ATF7IP2: variants seen among roughly 807,000 people sequenced by gnomAD.
The protein encoded by ATF7IP2 is activating transcription factor 7-interacting protein 2.
Under a neutral mutation model 64.2 loss-of-function variants are expected in ATF7IP2, and 42 were observed. The ratio of observed to expected loss-of-function variants is 0.65; its 90% CI spans 0.51 to 0.85. The LOEUF is 0.85. ATF7IP2 is among the 40% of genes least tolerant of loss of function. ATF7IP2 has a pLI of 0.00. For missense variants in ATF7IP2, 933 were observed against 784.2 expected, an observed-to-expected ratio of 1.19 and a Z score of -2.27; for synonymous variants, 308 against 272.8, an observed-to-expected ratio of 1.13 and a Z score of -1.27.
intron 12 of ATF7IP2, among the ~76,000 whole-genome samples, chr16:10,475,860 G>GACTGGAGAA (rs2049991066): frequency 6.6e-6 from 1 of 151,782 alleles, no homozygotes; most frequent in Admixed American, 6.6e-5. Context: ...AGCATTGTTT[G>GACTGGAGAA]ACTGGAGAAC....
rs140631806 is a variant in ATF7IP2 at position 10,434,542 on chromosome 16, A to G, written c.960+893A>G. 5.1e-3 allele frequency among the ~76,000 whole-genome samples: 777 copies of G among 152,158 alleles called. 5 individuals carry two copies. The highest frequency in any genetic ancestry group is 0.014 in the Middle Eastern group (4 of 294). ...ATTCTTCACCTAATAATAAGGGAAA[A>G]TAAAGGGAAAGAGTTACGCAGAACC... On this transcript the variant is annotated intron_variant, in intron 6 of 13. Coordinates refer to ENST00000562102, the MANE Select transcript of ATF7IP2 (RefSeq NM_001393719.1).
intron 1 of ATF7IP2, among the ~76,000 whole-genome samples, chr16:10,390,757 C>T (rs1193554090): frequency 2.0e-5 from 3 of 152,004 alleles, no homozygotes; most frequent in Admixed American, 6.6e-5. Context: ...CCACTGCACT[C>T]CAGCTGGGTG....
intron 1 of ATF7IP2, among the ~76,000 whole-genome samples, chr16:10,407,161 G>T (rs1278899441): frequency 6.6e-6 from 1 of 152,172 alleles, no homozygotes; most frequent in Non-Finnish European, 1.5e-5. Context: ...AAATGCATTT[G>T]ATAACATTCA....
intron 10 of ATF7IP2, 27 bp downstream of exon 10, chr16:10,472,210 T>C (rs538353066): frequency 7.9e-7 from 1 of 1,262,064 alleles, no homozygotes; most frequent in Non-Finnish European, 1.1e-6. Context: ...TAGAATATGA[T>C]CTATCAAGTT....
intron 9 of ATF7IP2, 33 bp from the exon 10 acceptor site, chr16:10,472,077 G>C (rs1488592726): frequency 1.6e-6 from 2 of 1,256,544 alleles, no homozygotes; most frequent in East Asian, 2.4e-5. Flanking sequence ...TGCATGTTTA[G>C]TTTTTGTTTT....
intron 9 of ATF7IP2, among the ~76,000 whole-genome samples, chr16:10,468,291 A>T (rs907332218): frequency 6.6e-6 from 1 of 152,132 alleles, no homozygotes; most frequent in African/African-American, 2.4e-5. Flanking sequence ...AAAATTGTTG[A>T]ATTTGTGTTT....
At chr16:10,416,689 C>T (rs967705083) in intron 2 of ATF7IP2, among the ~76,000 whole-genome samples, 2 of 152,068 alleles carry the variant, frequency 1.3e-5, no homozygotes, top group Admixed American at 6.6e-5. Flanking sequence ...CCCTGCTACT[C>T]AGGAGGCAGA....
intron 1 of ATF7IP2, among the ~76,000 whole-genome samples, chr16:10,410,073 A>G (rs2047723223): frequency 6.6e-6 from 1 of 152,108 alleles, no homozygotes; most frequent in Admixed American, 6.6e-5. Context: ...TTTTGGTTCC[A>G]TATGAATTTA....
At chr16:10,394,352 T>A (rs979199679) in intron 1 of ATF7IP2, among the ~76,000 whole-genome samples, 1 of 152,158 alleles carries the variant, frequency 6.6e-6, no homozygotes, top group African/African-American at 2.4e-5. Context: ...CATAAACATA[T>A]ATGCACCTAC....
intron 7 of ATF7IP2, among the ~76,000 whole-genome samples, chr16:10,439,942 T>C (rs1253056153): frequency 1.3e-5 from 2 of 151,528 alleles, no homozygotes; most frequent in Non-Finnish European, 2.9e-5. Flanking sequence ...GGCAGGTGGA[T>C]GCTGGGGTCA....
intron 12 of ATF7IP2, among the ~76,000 whole-genome samples, chr16:10,474,976 G>A (rs1238467160): frequency 6.6e-6 from 1 of 152,184 alleles, no homozygotes; most frequent in African/African-American, 2.4e-5. Flanking sequence ...GAGGCCAGCA[G>A]TTTGAGACCA....
At chr16:10,475,807 C>G (rs917984035) in intron 12 of ATF7IP2, among the ~76,000 whole-genome samples, 1 of 150,096 alleles carries the variant, frequency 6.7e-6, no homozygotes, top group African/African-American at 2.5e-5. Context: ...TAAACCTGAC[C>G]ACACTGATAA....
At chr16:10,476,556 T>C (rs1461054047) in intron 12 of ATF7IP2, among the ~76,000 whole-genome samples, 4 of 152,130 alleles carry the variant, frequency 2.6e-5, no homozygotes, top group African/African-American at 9.7e-5. Flanking sequence ...GTTTGTTACA[T>C]AGGTAAATGT....
At position 10,483,513 on chromosome 16, in the gene ATF7IP2, A is replaced by T. The variant is rs560778064; in HGVS notation, c.*1264A>T. 1 of 152,158 alleles carries T rather than the reference A, an allele frequency of 6.6e-6. No individual in the cohort carries two copies. Among genetic ancestry groups the T allele is most frequent in the African/African-American group, 2.4e-5 (1 of 41,420 alleles). 9.4% of individuals were successfully genotyped at this position (152,158 alleles called of 1,614,324 possible). On this transcript the variant is annotated 3_prime_UTR_variant, in exon 14 of 14. Coordinates refer to ENST00000562102, the MANE Select transcript of ATF7IP2 (RefSeq NM_001393719.1). ...ATAATCCCAACTGTTTGAAAGTTCG[A>T]AAGAGGGGCATTCTTTTCTGGTACA... is the stretch of plus-strand genomic sequence containing the variant.
intron 1 of ATF7IP2, among the ~76,000 whole-genome samples, chr16:10,409,486 C>T (rs1382873270): frequency 3.1e-5 from 3 of 96,098 alleles, no homozygotes; most frequent in South Asian, 8.1e-4. Flanking sequence ...AGATTTAAAT[C>T]CTTGATCCAT....
intron 1 of ATF7IP2, among the ~76,000 whole-genome samples, chr16:10,414,339 T>A (rs554506083): frequency 6.6e-6 from 1 of 152,184 alleles, no homozygotes; most frequent in East Asian, 1.9e-4. Context: ...AGCTCTAAAG[T>A]TCTCTTCTGC....
chr16:10,416,143 T>C (rs1347630704), intron 2 of ATF7IP2, among the ~76,000 whole-genome samples: 1 of 152,240 alleles, frequency 6.6e-6, no homozygotes, highest in Non-Finnish European at 1.5e-5. Context: ...AAGGGATATC[T>C]GCAATTCCAT....
At chr16:10,457,227 C>A in intron 8 of ATF7IP2, 145 bp from the exon 9 acceptor site, 2 of 648,726 alleles carry the variant, frequency 3.1e-6, no homozygotes, top group Non-Finnish European at 5.1e-6. Flanking sequence ...AAATCACAAT[C>A]ATGGTCATCA....
At position 10,472,475 on chromosome 16, in the gene ATF7IP2, C is replaced by G. The variant is rs1014709330; in HGVS notation, c.1426+292C>G. 8.6e-5 allele frequency among the ~76,000 whole-genome samples: 13 copies of G among 152,046 alleles called. No individual in the cohort carries two copies. In the South Asian group the frequency reaches 1.0e-3, roughly 12 times the overall value. On this transcript the variant is annotated intron_variant, in intron 10 of 13. Transcript: ENST00000562102. The stretch of plus-strand genomic sequence containing the variant: ...ACTTATTTTTAATGGTTTGCCCTGG[C>G]CTTTTTTTGATGGTAGTGACGGTTT...
Sources: allele counts gnomAD v4.1 joint callset (sites outside exome capture counted in the v4.1 genomes callset), GRCh38; gene constraint gnomAD v4.1.1; transcripts MANE v1.5; gene names NCBI Gene and HGNC (gene_info 2026-07-23, HGNC 2026-07-21).